CRB1: variants seen among roughly 807,000 people sequenced by gnomAD.
CRB1 encodes protein crumbs homolog 1.
Under a neutral mutation model 120.0 loss-of-function variants are expected in CRB1, and 83 were observed. That is an observed-to-expected ratio of 0.69 (90% CI 0.58 to 0.83). The LOEUF (loss-of-function observed/expected upper bound fraction) is 0.83, where lower values mean the gene tolerates loss of function less well. Among genes scored for constraint, CRB1 ranks in the 40% least tolerant of loss-of-function variants. The pLI is 0.00. For synonymous variants in CRB1, 625 were observed against 612.5 expected (o/e 1.02, Z -0.30); for missense variants, 1,699 against 1,687.6 (o/e 1.01, Z -0.12).
the CRB1 span, among the ~76,000 whole-genome samples, chr1:197,262,568 G>A: frequency 6.6e-6 from 1 of 152,072 alleles, no homozygotes; most frequent in Non-Finnish European, 1.5e-5. Flanking sequence ...GGGGGTAGAT[G>A]TGCAGATATG....
intron 5 of CRB1, among the ~76,000 whole-genome samples, chr1:197,377,534 G>A (rs1490174917): frequency 1.3e-5 from 2 of 152,172 alleles, no homozygotes; most frequent in African/African-American, 2.4e-5. Flanking sequence ...GTAACTAGAT[G>A]AGCCTCAGAA....
intron 5 of CRB1, among the ~76,000 whole-genome samples, chr1:197,363,135 G>GTTTT (rs34995320): frequency 2.1e-5 from 3 of 146,138 alleles, no homozygotes; most frequent in African/African-American, 7.5e-5. Flanking sequence ...TTCTATTTAG[G>GTTTT]TTTTTTTTTT....
At chr1:197,460,001 C>CTTTTTTTTTTTTTTTTTTTTTTTTTTT (rs10679172) in intron 11 of CRB1, among the ~76,000 whole-genome samples, 7 of 75,612 alleles carry the variant, frequency 9.3e-5, no homozygotes, top group African/African-American at 1.8e-4. Context: ...AAGCCCCCCT[C>CTTTTTTTTTTTTTTTTTTTTTTTTTTT]TTTTTTTTTT....
intron 11 of CRB1, among the ~76,000 whole-genome samples, chr1:197,476,299 ACTC>A (rs1465073299): frequency 2.0e-5 from 3 of 151,044 alleles, no homozygotes; most frequent in Admixed American, 6.6e-5. Context: ...TGCTCCACCT[ACTC>A]CTCAACACAA....
chr1:197,330,080 C>G (rs182914958), intron 2 of CRB1, among the ~76,000 whole-genome samples: 2 of 152,264 alleles, frequency 1.3e-5, no homozygotes, highest in African/African-American at 4.8e-5. Context: ...CCTCCAGCAT[C>G]ATTTTACTTT....
Position 197,444,555 on chromosome 1 carries a change from C to T in CRB1, c.4005+2263C>T, listed in dbSNP as rs1411143869. The T allele has an allele frequency of 2.0e-5, 3 of 152,282 alleles. No individual in the cohort carries two copies. The East Asian group carries it at 5.8e-4, about 29-fold the overall frequency. 9.4% of individuals were successfully genotyped at this position (152,282 alleles called of 1,614,324 possible). On this transcript the variant is annotated intron_variant, in intron 11 of 11. Coordinates refer to ENST00000367400, the MANE Select transcript of CRB1 (RefSeq NM_201253.3). ...AGACATACCTGTACTTATGTACTTA[C>T]AGGCTGTTCCAAATGTAATATGTTC...
intron 11 of CRB1, among the ~76,000 whole-genome samples, chr1:197,461,256 G>A (rs1258236180): frequency 1.3e-5 from 2 of 152,112 alleles, no homozygotes; most frequent in Admixed American, 6.6e-5. Context: ...AGCTGAAGAG[G>A]ATCAGCTTCT....
chr1:197,280,761 T>G (rs1404543562), intron 1 of CRB1, among the ~76,000 whole-genome samples: 1 of 151,944 alleles, frequency 6.6e-6, no homozygotes, highest in African/African-American at 2.4e-5. Context: ...ATGTCCTTTT[T>G]CTAGTAGATA....
At chr1:197,380,742 C>T (rs1661911268) in intron 5 of CRB1, among the ~76,000 whole-genome samples, 1 of 152,278 alleles carries the variant, frequency 6.6e-6, no homozygotes, top group South Asian at 2.1e-4. Context: ...CACCAAGATG[C>T]TTTCCTGATC....
intron 1 of CRB1, among the ~76,000 whole-genome samples, chr1:197,300,764 T>G (rs1322691289): frequency 6.6e-6 from 1 of 152,188 alleles, no homozygotes; most frequent in Non-Finnish European, 1.5e-5. Context: ...AGGACTTTCA[T>G]AGCTAGAAAG....
chr1:197,313,524 A>C (rs1657670975), intron 1 of CRB1, among the ~76,000 whole-genome samples: 1 of 152,150 alleles, frequency 6.6e-6, no homozygotes, highest in Admixed American at 6.5e-5. Context: ...AATATCCCTT[A>C]TTTACTATCA....
chr1:197,472,991 G>A (rs1571634802), intron 11 of CRB1, among the ~76,000 whole-genome samples: 1 of 152,218 alleles, frequency 6.6e-6, no homozygotes, highest in African/African-American at 2.4e-5. Context: ...TCTAAGACGT[G>A]GGAATTGTTG....
chr1:197,317,370 A>T (rs941966652), intron 1 of CRB1, among the ~76,000 whole-genome samples: 3 of 152,218 alleles, frequency 2.0e-5, no homozygotes, highest in Admixed American at 1.3e-4. Flanking sequence ...GTGAACCGAG[A>T]TCACGCCTTT....
intron 6 of CRB1, 32 bp from the exon 7 acceptor site, chr1:197,427,422 T>G (rs1664639693): frequency 6.2e-7 from 1 of 1,606,698 alleles, no homozygotes; most frequent in African/African-American, 1.3e-5. Context: ...GTTTCTTTTT[T>G]TTTCTCCTCC....
At chr1:197,475,051 A>G (rs1437414415) in intron 11 of CRB1, among the ~76,000 whole-genome samples, 1 of 152,202 alleles carries the variant, frequency 6.6e-6, no homozygotes, top group Non-Finnish European at 1.5e-5. Flanking sequence ...CCTCTAGTTG[A>G]CATAAACTAT....
At chr1:197,210,410 A>T in the CRB1 span, among the ~76,000 whole-genome samples, 1 of 152,160 alleles carries the variant, frequency 6.6e-6, no homozygotes, top group East Asian at 1.9e-4. Context: ...AGAAAAAGAA[A>T]TTATCTCCAG....
chr1:197,263,736 T>C (rs1654567729), upstream of CRB1, among the ~76,000 whole-genome samples: 1 of 152,070 alleles, frequency 6.6e-6, no homozygotes. Flanking sequence ...TGTCTCTTTA[T>C]TGTTCATTCT....
At chr1:197,382,553 C>T (rs552711046) in intron 5 of CRB1, among the ~76,000 whole-genome samples, 9 of 152,178 alleles carry the variant, frequency 5.9e-5, no homozygotes, top group South Asian at 2.1e-4. Context: ...GACAGCAAGA[C>T]GTTTTTCAAA....
At chr1:197,433,821 G>A (rs960416080) in intron 8 of CRB1, among the ~76,000 whole-genome samples, 2 of 152,116 alleles carry the variant, frequency 1.3e-5, no homozygotes, top group African/African-American at 2.4e-5. Flanking sequence ...TGACCTTGGT[G>A]GGAATACAGA....
Sources: gnomAD v4.1 joint callset for allele counts (sites outside exome capture counted in the v4.1 genomes callset) on GRCh38, gnomAD v4.1.1 for gene constraint, MANE v1.5 for transcripts, NCBI Gene and HGNC (gene_info 2026-07-23, HGNC 2026-07-21) for gene names.